The following DHX9 variants were observed in gnomAD, a reference collection of about 807,000 sequenced individuals.
DHX9 encodes the protein DExH-box helicase 9, also known as ATP-dependent RNA helicase A.
A neutral mutation model predicts 148.7 loss-of-function variants in DHX9; 27 were observed. That is an observed-to-expected ratio of 0.18 (90% CI 0.13 to 0.25). The LOEUF (loss-of-function observed/expected upper bound fraction) is 0.25. Ranked by LOEUF, DHX9 falls within the 10% of genes least tolerant of loss-of-function variation. The probability of loss-of-function intolerance (pLI) is 1.00; values close to 1 mark genes in which losing one functional copy is unlikely to be tolerated. For synonymous variants in DHX9, 529 were observed against 516.6 expected, an observed-to-expected ratio of 1.02 and a Z score of -0.33; for missense variants, 796 against 1,559.6, an observed-to-expected ratio of 0.51 and a Z score of 8.25.
At chr1:182,871,742 T>C (rs1648561521) in intron 14 of DHX9, among the ~76,000 whole-genome samples, 1 of 152,186 alleles carries the variant, frequency 6.6e-6, no homozygotes, top group Non-Finnish European at 1.5e-5. Flanking sequence ...TGCTGTTGTA[T>C]ATAAAAAAGG....
chr1:182,859,937 A>C, intron 11 of DHX9, 56 bp from the exon 12 acceptor site: 1 of 1,535,780 alleles, frequency 6.5e-7, no homozygotes, highest in African/African-American at 1.4e-5. Flanking sequence ...GGATCAAGAC[A>C]GTTGCTTCTA....
intron 16 of DHX9, 64 bp downstream of exon 16, chr1:182,875,018 T>A: frequency 7.8e-7 from 1 of 1,277,876 alleles, no homozygotes; most frequent in South Asian, 1.2e-5. Flanking sequence ...AAAAAATGAG[T>A]TAATGTAACA....
intron 18 of DHX9, 135 bp downstream of exon 18, chr1:182,876,676 G>T (rs1648818757): frequency 1.1e-6 from 1 of 934,744 alleles, no homozygotes; most frequent in South Asian, 1.6e-5. Flanking sequence ...TTCTCTTTCT[G>T]AGCTTAGTAG....
At chr1:182,870,540 G>A (rs553352118) in intron 14 of DHX9, among the ~76,000 whole-genome samples, 9 of 152,212 alleles carry the variant, frequency 5.9e-5, no homozygotes, top group Non-Finnish European at 1.2e-4. Context: ...TGTCAGATTA[G>A]TGAGAAAGGG....
intron 6 of DHX9, chr1:182,855,826 A>G: frequency 1.3e-6 from 1 of 796,866 alleles, no homozygotes; most frequent in Non-Finnish European, 1.5e-6. Flanking sequence ...GAGCAGTGAA[A>G]GGACCAGAAT....
intron 14 of DHX9, among the ~76,000 whole-genome samples, chr1:182,869,288 G>A (rs545392335): frequency 2.0e-5 from 3 of 152,222 alleles, no homozygotes; most frequent in South Asian, 2.1e-4. Flanking sequence ...GGTCTTATCC[G>A]GTTCGGCCCA....
At chr1:182,886,810 T>G (rs763908709) in intron 27 of DHX9, among the ~76,000 whole-genome samples, 2 of 152,226 alleles carry the variant, frequency 1.3e-5, no homozygotes, top group African/African-American at 2.4e-5. Context: ...ACACTTATGT[T>G]ATTGAACTGA....
chr1:182,879,534 T>G, intron 21 of DHX9, 124 bp downstream of exon 21: 1 of 862,350 alleles, frequency 1.2e-6, no homozygotes, highest in Admixed American at 3.6e-5. Flanking sequence ...GTGATAATAA[T>G]AGTAAGGCCT....
At chr1:182,882,735 G>A (rs933141420) in intron 24 of DHX9, among the ~76,000 whole-genome samples, 7 of 151,970 alleles carry the variant, frequency 4.6e-5, no homozygotes, top group Non-Finnish European at 8.8e-5. Context: ...CGTGGTGGCG[G>A]GTGCCTGTAG....
rs1648756697 is a variant in DHX9, at chr1:182,876,248, A to G, written c.2014A>G (p.Met672Val). The change falls in exon 17 of 28, where the codon ATG becomes GTG. Residue 672 changes from methionine to valine, a missense_variant. By Grantham distance (21) the Met-to-Val change is conservative. Coordinates refer to ENST00000367549, the MANE Select transcript of DHX9 (RefSeq NM_001357.5). ...LIYTMQKHLE[M>V]NPHFGSHRYQ... Reference sequence around the variant, plus strand: ...TTATACTATGCAGAAGCATTTGGAAATGAATCCACATTTTGGTATGAGTCT... The same window carrying G: ...TTATACTATGCAGAAGCATTTGGAAGTGAATCCACATTTTGGTATGAGTCT... 3 of 1,613,490 alleles carry G rather than the reference A, an allele frequency of 1.9e-6. No individual in the cohort carries two copies. The highest frequency in any genetic ancestry group is 1.3e-5 in the African/African-American group (1 of 74,902).
intron 14 of DHX9, among the ~76,000 whole-genome samples, chr1:182,867,321 T>A (rs544501501): frequency 5.5e-4 from 84 of 152,352 alleles, no homozygotes; most frequent in African/African-American, 1.8e-3. Context: ...ATTGAACTAA[T>A]GGTTTATGAC....
intron 1 of DHX9, among the ~76,000 whole-genome samples, chr1:182,841,756 C>T (rs1362683220): frequency 1.3e-5 from 2 of 152,178 alleles, no homozygotes; most frequent in Non-Finnish European, 2.9e-5. Context: ...TCATATCTTG[C>T]TTACAGTTTA....
intron 21 of DHX9, 99 bp from the exon 22 acceptor site, chr1:182,880,395 AGAG>A (rs1281086215): frequency 3.0e-6 from 2 of 670,748 alleles, no homozygotes; most frequent in African/African-American, 3.7e-5. Flanking sequence ...GCTTGACAAA[AGAG>A]GAACTCTAAA....
intron 15 of DHX9, among the ~76,000 whole-genome samples, chr1:182,873,794 T>A (rs1231556824): frequency 6.6e-6 from 1 of 152,182 alleles, no homozygotes; most frequent in Non-Finnish European, 1.5e-5. Context: ...AATGCCATTC[T>A]CCAACTAAAG....
chr1:182,869,667 G>A (rs2102610455), intron 14 of DHX9, among the ~76,000 whole-genome samples: 1 of 152,218 alleles, frequency 6.6e-6, no homozygotes, highest in East Asian at 1.9e-4. Context: ...CTAGAGTGAA[G>A]TTTCGGCATC....
chr1:182,846,758 A>T (rs151252323), intron 3 of DHX9, among the ~76,000 whole-genome samples: 15 of 152,230 alleles, frequency 9.9e-5, no homozygotes, highest in African/African-American at 3.6e-4. Flanking sequence ...AGATTATTGA[A>T]TCCATAGATT....
intron 3 of DHX9, among the ~76,000 whole-genome samples, chr1:182,849,496 T>C (rs1668093405): frequency 6.6e-6 from 1 of 152,256 alleles, no homozygotes; most frequent in Non-Finnish European, 1.5e-5. Context: ...TACATTTTCC[T>C]GATTTGGTAA....
At chr1:182,855,195 T>TA (rs1298910984) in intron 6 of DHX9, among the ~76,000 whole-genome samples, 2 of 152,248 alleles carry the variant, frequency 1.3e-5, no homozygotes, top group African/African-American at 4.8e-5. Context: ...AAAGGAGTGA[T>TA]ACATTTGTTG....
intron 27 of DHX9, among the ~76,000 whole-genome samples, chr1:182,885,600 C>CT (rs1427388650): frequency 1.3e-5 from 2 of 152,180 alleles, no homozygotes; most frequent in African/African-American, 4.8e-5. Context: ...AAAATGACCT[C>CT]TAATTCCTCA....
Sources: gnomAD v4.1 joint callset for allele counts (sites outside exome capture counted in the v4.1 genomes callset) on GRCh38, gnomAD v4.1.1 for gene constraint, MANE v1.5 for transcripts, NCBI Gene and HGNC (gene_info 2026-07-23, HGNC 2026-07-21) for gene names.